NUP188: variants seen among roughly 807,000 people sequenced by gnomAD.
NUP188 encodes nucleoporin NUP188.
Under a neutral mutation model 223.0 loss-of-function variants are expected in NUP188, and 97 were observed. That is an observed-to-expected ratio of 0.43 (90% CI 0.37 to 0.51). The LOEUF (loss-of-function observed/expected upper bound fraction) is 0.51, where lower values mean the gene tolerates loss of function less well. NUP188 is among the 20% of genes least tolerant of loss of function. NUP188 has a pLI of 0.00. For synonymous variants in NUP188, 869 were observed against 828.0 expected, an observed-to-expected ratio of 1.05 and a Z score of -0.85; for missense variants, 1,947 against 2,175.6, an observed-to-expected ratio of 0.89 and a Z score of 2.09.
At position 129,006,960 on chromosome 9, in the gene NUP188, T is replaced by C. The variant is rs1588300725; in HGVS notation, c.*282T>C. On this transcript the variant is annotated 3_prime_UTR_variant, in exon 44 of 44. Coordinates refer to ENST00000372577, the MANE Select transcript of NUP188 (RefSeq NM_015354.3). ...TCCTTTCCAGCATTCCCCACAGCAC[T>C]GCCGGCCAGGGGAGAGGCGGCAGCC... The C allele has an allele frequency of 2.9e-6, 1 of 349,662 alleles. No homozygotes were observed. The highest frequency in any genetic ancestry group is 5.2e-6 in the Non-Finnish European group (1 of 193,102). The allele number at this position is 349,662 out of a possible 1,614,324, so 21.7% of individuals were successfully genotyped here.
intron 11 of NUP188, among the ~76,000 whole-genome samples, chr9:128,972,506 C>G (rs1210240372): frequency 6.6e-6 from 1 of 152,086 alleles, no homozygotes; most frequent in African/African-American, 2.4e-5. Flanking sequence ...TGAAGCTATT[C>G]CATGTGATAC....
At chr9:128,968,830 T>G in intron 9 of NUP188, 113 bp downstream of exon 9, 1 of 761,110 alleles carries the variant, frequency 1.3e-6, no homozygotes, top group East Asian at 2.5e-5. Flanking sequence ...GGTGGGGAAA[T>G]AGGTCTACTG....
intron 8 of NUP188, among the ~76,000 whole-genome samples, chr9:128,967,265 C>A (rs1175621764): frequency 6.6e-6 from 1 of 152,184 alleles, no homozygotes; most frequent in Non-Finnish European, 1.5e-5. Flanking sequence ...CCACTTTGGC[C>A]TCCCAAAGTA....
intron 12 of NUP188, among the ~76,000 whole-genome samples, chr9:128,976,349 G>A (rs1842174595): frequency 6.6e-6 from 1 of 152,104 alleles, no homozygotes; most frequent in African/African-American, 2.4e-5. Context: ...TCATTAGAGA[G>A]AAATGAGTTT....
At chr9:128,961,572 CTA>C (rs1443922626) in intron 8 of NUP188, among the ~76,000 whole-genome samples, 19 of 132,742 alleles carry the variant, frequency 1.4e-4, no homozygotes, top group African/African-American at 5.7e-4. Context: ...ATATCTATAT[CTA>C]TATCTATCTA....
In NUP188 at chr9:128,952,759, T is replaced by G; in HGVS notation, c.88-14T>G. ...AAAATACTGCATTTGTATAATTACC[T>G]TGTTCTTTTCCAGAGTCAGATTGAG... On this transcript the variant is annotated splice_polypyrimidine_tract_variant and intron_variant, in intron 2 of 43. Coordinates refer to ENST00000372577, the MANE Select transcript of NUP188 (RefSeq NM_015354.3). 6.2e-7 allele frequency: 1 copy of G among 1,608,786 alleles called. No individual in the cohort carries two copies. The highest frequency in any genetic ancestry group is 8.5e-7 in the Non-Finnish European group (1 of 1,176,114).
Position 128,983,330 on chromosome 9 carries a change from G to C in NUP188, c.1834G>C (p.Ala612Pro). 1 of 1,614,134 alleles carries C rather than the reference G, an allele frequency of 6.2e-7. No individual in the cohort carries two copies. ...TVISPPVDVI[A>P]SCVNCLTVLA... The stretch of plus-strand genomic sequence containing the variant: ...GATCTCCCCACCTGTGGATGTCATT[G>C]CTTCTTGTGTCAACTGCTTAACTGT... The change falls in exon 18 of 44, where the codon GCT (alanine) becomes CCT (proline). Residue 612 changes from alanine to proline, a missense_variant. This residue lies in a region of NUP188 where 817 missense variants were observed against 865.8 expected (regional missense o/e 0.94). Coordinates refer to ENST00000372577, the MANE Select transcript of NUP188 (RefSeq NM_015354.3).
In NUP188 at chr9:128,979,242, T is replaced by A; in HGVS notation, c.1204-20T>A. Reference sequence around the variant, plus strand: ...TTCAGCTAGGGAAAATGATCCATTTTTCTTCCCTTCCTCAAACAGGATATA... The same window carrying A: ...TTCAGCTAGGGAAAATGATCCATTTATCTTCCCTTCCTCAAACAGGATATA... On this transcript the variant is annotated intron_variant, in intron 12 of 43. Transcript: ENST00000372577. 1.9e-6 allele frequency: 3 copies of A among 1,590,648 alleles called. No individual in the cohort carries two copies. Among genetic ancestry groups the A allele is most frequent in the Non-Finnish European group, 2.6e-6 (3 of 1,161,262 alleles).
intron 1 of NUP188, chr9:128,948,478 C>G (rs1328270012): frequency 5.3e-5 from 8 of 152,136 alleles, no homozygotes; most frequent in Admixed American, 4.6e-4. Flanking sequence ...CTCGCAACTC[C>G]GAGAGGCGCC....
At position 128,993,595 on chromosome 9, in the gene NUP188, G is replaced by A. The variant is rs765631550; in HGVS notation, c.2918G>A (p.Arg973Gln). The A allele has an allele frequency of 5.6e-6, 9 of 1,614,042 alleles. No individual in the cohort carries two copies. The highest frequency in any genetic ancestry group is 3.3e-5 in the South Asian group (3 of 91,090). Residue 973 changes from arginine to glutamine, a missense_variant, in exon 27 of 44, where the codon CGA (arginine) becomes CAA (glutamine). Around this residue, in one of 3 missense-constraint regions of NUP188, gnomAD observed 905 missense variants for 990.6 expected, o/e 0.91. Coordinates refer to ENST00000372577, the MANE Select transcript of NUP188 (RefSeq NM_015354.3). ...CTGATTGATTCCCAACAGCAAGATC[G>A]ATACTGGTGCCCACCCCTGCTGCAT... Reference protein sequence around the residue: ...LELIDSQQQDRYWCPPLLHRA... With the variant: ...LELIDSQQQDQYWCPPLLHRA...
intron 35 of NUP188, 30 bp from the exon 36 acceptor site, chr9:129,001,854 A>T: frequency 6.2e-7 from 1 of 1,605,272 alleles, no homozygotes; most frequent in Non-Finnish European, 8.5e-7. Flanking sequence ...GGCAGGCTCC[A>T]TCTCATTTCC....
At chr9:128,961,203 G>A (rs1256137956) in intron 8 of NUP188, among the ~76,000 whole-genome samples, 1 of 151,478 alleles carries the variant, frequency 6.6e-6, no homozygotes, top group Non-Finnish European at 1.5e-5. Flanking sequence ...GGTGGTGCGT[G>A]CCTGTAATCC....
In NUP188 at chr9:128,994,913, T is replaced by A; in HGVS notation, c.3145T>A (p.Tyr1049Asn). The part of the protein sequence containing the change: ...IMKIICLEIY[Y>N]VVKGSLDQSL... ...GAAGATAATTTGCTTGGAGATATAC[T>A]ATGTAGTAAAGTGAGTACTTTCCCC... Residue 1049 changes from tyrosine to asparagine, a missense_variant, in exon 29 of 44, where the codon TAT (tyrosine) becomes AAT (asparagine). By Grantham distance (143) the Tyr-to-Asn change is moderately radical (BLOSUM62 -2). Transcript: ENST00000372577. The A allele has an allele frequency of 1.2e-6, 2 of 1,611,422 alleles. No homozygotes were observed. The highest frequency in any genetic ancestry group is 2.2e-5 in the South Asian group (2 of 91,030).
intron 2 of NUP188, among the ~76,000 whole-genome samples, chr9:128,950,067 T>A (rs1379264834): frequency 6.6e-6 from 1 of 150,636 alleles, no homozygotes; most frequent in Non-Finnish European, 1.5e-5. Flanking sequence ...GGATTAGAGG[T>A]GCCCACCACC....
chr9:128,980,698 G>C lies in NUP188; in HGVS notation c.1362G>C (p.Leu454=). 1 of 1,614,036 alleles carries C rather than the reference G, an allele frequency of 6.2e-7. No homozygotes were observed. Among genetic ancestry groups the C allele is most frequent in the Non-Finnish European group, 8.5e-7 (1 of 1,179,996 alleles). The change falls in exon 14 of 44, where the codon CTG becomes CTC. Residue 454 remains leucine (L), a synonymous_variant. Transcript: ENST00000372577. Reference sequence around the variant, plus strand: ...CACTCCTGCAACTGCTCCGAGCCCTGGTATCAGGGAAGTCCACAGCCAAAA... The same window carrying C: ...CACTCCTGCAACTGCTCCGAGCCCTCGTATCAGGGAAGTCCACAGCCAAAA... ...LSPLLQLLRA[L]VSGKSTAKKV...
chr9:128,948,046 T>G (rs1841715069), intron 1 of NUP188: 19 of 289,988 alleles, frequency 6.6e-5, no homozygotes, highest in Middle Eastern at 9.1e-4. Context: ...ACGCGTCTCT[T>G]GGCGCCCCAC....
intron 10 of NUP188, 30 bp downstream of exon 10, chr9:128,969,544 A>T (rs1842077735): frequency 7.9e-7 from 1 of 1,269,540 alleles, no homozygotes; most frequent in Middle Eastern, 1.9e-4. Flanking sequence ...TTTTTTTCAG[A>T]GGGTTTATAA....
At chr9:128,987,088 A>AGAGAGTGTGTGT (rs1450678206) in intron 22 of NUP188, among the ~76,000 whole-genome samples, 80 of 113,338 alleles carry the variant, frequency 7.1e-4, no homozygotes, top group South Asian at 2.2e-3. Context: ...AGAGAGAGAG[A>AGAGAGTGTGTGT]GTGTGTGTGT....
Position 129,005,988 on chromosome 9 carries a change from A to ACCT in NUP188, c.4870-62_4870-61insCCT, listed in dbSNP as rs1842788772. On this transcript the variant is annotated intron_variant, in intron 41 of 43. Transcript: ENST00000372577. The stretch of plus-strand genomic sequence containing the variant: ...GCTTAGTGCAGGACATGCAAGTAGG[A>ACCT]AGCTCTCAGTAAGTGGGAGCTGTTC... 8 of 1,546,704 alleles carry ACCT rather than the reference A, an allele frequency of 5.2e-6. No individual in the cohort carries two copies. The Admixed American group carries it at 1.2e-4, about 23-fold the overall frequency.
Sources: gnomAD v4.1 joint callset for allele counts (sites outside exome capture counted in the v4.1 genomes callset) on GRCh38, gnomAD v4.1.1 for gene constraint, gnomAD v4.1.1 regional missense constraint, MANE v1.5 for transcripts, NCBI Gene and HGNC (gene_info 2026-07-23, HGNC 2026-07-21) for gene names.